CTNNA2: variants seen among roughly 807,000 people sequenced by gnomAD.
CTNNA2 encodes the protein catenin alpha-2.
In CTNNA2, 42 loss-of-function variants were observed where a neutral mutation model predicts 101.0. The observed-to-expected ratio is 0.42, with a 90% CI of 0.32 to 0.54. The LOEUF is 0.54. Ranked by LOEUF, CTNNA2 falls within the 20% of genes least tolerant of loss-of-function variation. CTNNA2 has a pLI of 0.14. For missense variants in CTNNA2, 871 were observed against 1,223.1 expected (o/e 0.71, Z 4.29); for synonymous variants, 450 against 456.4 (o/e 0.99, Z 0.18).
intron 7 of CTNNA2, among the ~76,000 whole-genome samples, chr2:80,181,587 G>A (rs906134862): frequency 6.6e-6 from 1 of 152,072 alleles, no homozygotes. Flanking sequence ...TAAGACTCAG[G>A]GTAATCTTGG....
Position 80,303,226 on chromosome 2 carries a change from C to G in CTNNA2, c.1057-89985C>G. ...CGGCGAAAGAGTTGCGCGCCAGACT[C>G]TTGAGCTGATTGTATCCGATGTCGA... On this transcript the variant is annotated intron_variant, in intron 7 of 18. Transcript: ENST00000402739. The surrounding 1 kb of genome is among the most constrained non-coding windows in gnomAD (Gnocchi z 7.7). 1 of 1,613,848 alleles carries G rather than the reference C, an allele frequency of 6.2e-7. No individual in the cohort carries two copies. Among genetic ancestry groups the G allele is most frequent in the South Asian group, 1.1e-5 (1 of 91,082 alleles).
intron 7 of CTNNA2, among the ~76,000 whole-genome samples, chr2:80,361,232 A>G (rs924266628): frequency 6.6e-6 from 1 of 152,150 alleles, no homozygotes; most frequent in Non-Finnish European, 1.5e-5. Context: ...TCAGTAAATC[A>G]TAAGAATTAT....
chr2:80,372,367 G>T (rs888610932), intron 7 of CTNNA2, among the ~76,000 whole-genome samples: 158 of 139,480 alleles, frequency 1.1e-3, no homozygotes, highest in Non-Finnish European at 2.2e-4. Context: ...TTTTAGAGAA[G>T]TTTTTTTTTT....
intron 7 of CTNNA2, among the ~76,000 whole-genome samples, chr2:80,135,840 G>A (rs1176557867): frequency 6.6e-6 from 1 of 152,120 alleles, no homozygotes; most frequent in African/African-American, 2.4e-5. Context: ...ACTGCTCACA[G>A]TGGCTTGAAA....
intron 7 of CTNNA2, among the ~76,000 whole-genome samples, chr2:79,944,308 T>C (rs1368914): frequency 0.91 from 139,223 of 152,178 alleles, 63,751 homozygotes; most frequent in East Asian, 0.95. Context: ...TGGATGAAAA[T>C]GTTTTGTTTC....
intron 18 of CTNNA2, among the ~76,000 whole-genome samples, chr2:80,628,394 T>C (rs1248421952): frequency 6.6e-6 from 1 of 151,976 alleles, no homozygotes; most frequent in Non-Finnish European, 1.5e-5. Flanking sequence ...AAAAACAGCA[T>C]GGTACTGGTA....
At chr2:79,535,168 A>C (rs1156709552) in intron 1 of CTNNA2, among the ~76,000 whole-genome samples, 2 of 152,094 alleles carry the variant, frequency 1.3e-5, no homozygotes, top group South Asian at 4.1e-4. Flanking sequence ...GTCAATAAAA[A>C]ACCCTAAATC....
intron 7 of CTNNA2, chr2:80,162,892 T>A: frequency 1.3e-6 from 2 of 1,580,106 alleles, no homozygotes; most frequent in Non-Finnish European, 8.7e-7. Context: ...TCCCTAGTCC[T>A]TTCGTACCTG....
intron 18 of CTNNA2, among the ~76,000 whole-genome samples, chr2:80,637,544 G>T (rs1055732073): frequency 6.6e-6 from 1 of 152,044 alleles, no homozygotes; most frequent in Non-Finnish European, 1.5e-5. Flanking sequence ...AGGGGCTGGG[G>T]TCCCAAGGAG....
At chr2:79,375,600 A>C (rs1254340495) in intron 4 of CTNNA2, among the ~76,000 whole-genome samples, 7 of 152,194 alleles carry the variant, frequency 4.6e-5, no homozygotes, top group Admixed American at 1.3e-4. Context: ...CTAATGAAGA[A>C]AATAGGCCTG....
chr2:79,856,139 G>A (rs939821251), intron 3 of CTNNA2, among the ~76,000 whole-genome samples: 5 of 152,168 alleles, frequency 3.3e-5, no homozygotes, highest in African/African-American at 9.7e-5. Flanking sequence ...AGCTATTTGT[G>A]TGTGCCTAGG....
intron 3 of CTNNA2, among the ~76,000 whole-genome samples, chr2:79,822,873 C>T (rs1410564826): frequency 2.6e-5 from 4 of 152,174 alleles, no homozygotes; most frequent in Non-Finnish European, 4.4e-5. Context: ...CCTGCTCTCC[C>T]TCCCTTCAGA....
chr2:80,601,773 CTGTT>C (rs1164427443), intron 15 of CTNNA2: 3 of 151,874 alleles, frequency 2.0e-5, no homozygotes, highest in Non-Finnish European at 2.9e-5. Context: ...ACATTAATAT[CTGTT>C]TGTAATTTTA....
chr2:80,156,616 A>G (rs1050617746), intron 7 of CTNNA2, among the ~76,000 whole-genome samples: 7 of 152,210 alleles, frequency 4.6e-5, no homozygotes, highest in African/African-American at 1.7e-4. Context: ...GACTAGAGAA[A>G]TTGAGAAGGA....
At chr2:80,589,749 C>T (rs947767152) in intron 15 of CTNNA2, among the ~76,000 whole-genome samples, 5 of 152,048 alleles carry the variant, frequency 3.3e-5, no homozygotes, top group East Asian at 1.9e-4. Flanking sequence ...AATCAAACCC[C>T]GAGGGACGGG....
At chr2:79,817,263 C>G (rs1353498830) in intron 3 of CTNNA2, among the ~76,000 whole-genome samples, 1 of 143,932 alleles carries the variant, frequency 6.9e-6, no homozygotes. Flanking sequence ...TAAATGAACT[C>G]ATTTTTCTGA....
chr2:80,523,995 A>G (rs940458218), intron 9 of CTNNA2, among the ~76,000 whole-genome samples: 4 of 152,188 alleles, frequency 2.6e-5, no homozygotes, highest in African/African-American at 9.7e-5. Context: ...AAAGCATAGC[A>G]TAAGACTTTT....
At chr2:79,525,882 C>T (rs189364333) in intron 1 of CTNNA2, among the ~76,000 whole-genome samples, 1 of 152,040 alleles carries the variant, frequency 6.6e-6, no homozygotes, top group Admixed American at 6.6e-5. Flanking sequence ...ATAAAACTCT[C>T]AGTTAACAAC....
intron 2 of CTNNA2, among the ~76,000 whole-genome samples, chr2:79,727,406 C>G (rs1686916302): frequency 6.6e-6 from 1 of 152,054 alleles, no homozygotes; most frequent in African/African-American, 2.4e-5. Flanking sequence ...TCAGCTTAGC[C>G]ACCTAAATGA....
Sources: gnomAD v4.1 joint callset for allele counts (sites outside exome capture counted in the v4.1 genomes callset) on GRCh38, gnomAD v4.1.1 for gene constraint, Gnocchi (gnomAD v3.1) non-coding constraint, MANE v1.5 for transcripts, NCBI Gene and HGNC (gene_info 2026-07-23, HGNC 2026-07-21) for gene names.